MLF1: variants seen among roughly 807,000 people sequenced by gnomAD.
The protein encoded by MLF1 is myeloid leukemia factor 1.
In MLF1, 37 loss-of-function variants were observed where a neutral mutation model predicts 38.3. That is an observed-to-expected ratio of 0.96 (90% confidence interval 0.74 to 1.27). The LOEUF is 1.27. Among genes scored for constraint, MLF1 ranks in the 50% most tolerant of loss-of-function variants. MLF1 has a pLI of 0.00. For synonymous variants in MLF1, 95 were observed against 106.5 expected, an observed-to-expected ratio of 0.89 and a Z score of 0.66; for missense variants, 331 against 349.2, an observed-to-expected ratio of 0.95 and a Z score of 0.42.
chr3:158,577,613 G>T (rs1011103930), intron 1 of MLF1, among the ~76,000 whole-genome samples: 1 of 152,088 alleles, frequency 6.6e-6, no homozygotes, highest in Admixed American at 6.6e-5. Flanking sequence ...CAAATTATAA[G>T]ATCATATTTG....
At chr3:158,588,150 G>A (rs900225079) in intron 1 of MLF1, among the ~76,000 whole-genome samples, 4 of 152,274 alleles carry the variant, frequency 2.6e-5, no homozygotes, top group Non-Finnish European at 4.4e-5. Flanking sequence ...GCAGATTTTT[G>A]AGACTAGCCA....
intron 1 of MLF1, among the ~76,000 whole-genome samples, chr3:158,586,230 C>T (rs1717239513): frequency 6.7e-6 from 1 of 149,420 alleles, no homozygotes; most frequent in South Asian, 2.1e-4. Flanking sequence ...TTTTAATCTA[C>T]ACTTGGACCC....
At chr3:158,589,552 G>C (rs1401518288) in intron 1 of MLF1, among the ~76,000 whole-genome samples, 1 of 152,082 alleles carries the variant, frequency 6.6e-6, no homozygotes, top group Non-Finnish European at 1.5e-5. Flanking sequence ...CAAGCACAGA[G>C]GTTGGTAATA....
intron 1 of MLF1, among the ~76,000 whole-genome samples, chr3:158,575,149 T>C (rs1715239670): frequency 6.6e-6 from 1 of 152,214 alleles, no homozygotes; most frequent in Non-Finnish European, 1.5e-5. Context: ...GACCATCAGT[T>C]ACTCTTTCAG....
At chr3:158,571,868 GAGGGGAAGGGTTGAGGGCGTGAGGT>G in intron 1 of MLF1, among the ~76,000 whole-genome samples, 1 of 19,108 alleles carries the variant, frequency 5.2e-5, no homozygotes, top group African/African-American at 4.2e-4. Flanking sequence ...GGCGTGAGGT[GAGGGGAAGGGTTGAGGGCGTGAGGT>G]GGGGGAAGGG....
chr3:158,578,503 CAA>C (rs1715821154), intron 1 of MLF1, among the ~76,000 whole-genome samples: 1 of 148,986 alleles, frequency 6.7e-6, no homozygotes, highest in African/African-American at 2.6e-5. Context: ...TACATACATA[CAA>C]ACACACACAC....
intron 7 of MLF1, among the ~76,000 whole-genome samples, chr3:158,604,656 T>C (rs1172013830): frequency 6.6e-6 from 1 of 152,144 alleles, no homozygotes; most frequent in Non-Finnish European, 1.5e-5. Flanking sequence ...TTTTGTTTTT[T>C]ATTTTTTGTT....
At chr3:158,589,630 T>A (rs1353730590) in intron 1 of MLF1, among the ~76,000 whole-genome samples, 1 of 152,246 alleles carries the variant, frequency 6.6e-6, no homozygotes, top group African/African-American at 2.4e-5. Flanking sequence ...GAGACTTTTG[T>A]ATATTTTAAA....
At chr3:158,577,002 T>C (rs1715561236) in intron 1 of MLF1, among the ~76,000 whole-genome samples, 1 of 152,188 alleles carries the variant, frequency 6.6e-6, no homozygotes, top group Admixed American at 6.5e-5. Flanking sequence ...ATTATTGTTG[T>C]CTCTTCTTTA....
At position 158,585,037 on chromosome 3, in the gene MLF1, G is replaced by GA. The variant is rs59014137; in HGVS notation, c.48-7379dup. 3.4e-3 allele frequency among the ~76,000 whole-genome samples: 306 copies of GA among 88,738 alleles called. 1 individual carries two copies. The highest frequency in any genetic ancestry group is 0.024 in the South Asian group (59 of 2,430). The allele number at this position is 88,738 out of a possible 152,430, so 58.2% of individuals were successfully genotyped here. ...TGGGAGACAGAGCAAGACTCTGTCT[G>GA]AAAAAAAAAAAAAAAAAAGAAAAAG... is the stretch of plus-strand genomic sequence containing the variant. On this transcript the variant is annotated intron_variant, in intron 1 of 7. Coordinates refer to ENST00000466246, the MANE Select transcript of MLF1 (RefSeq NM_001369783.1).
chr3:158,573,823 G>T (rs1714953309), intron 1 of MLF1, among the ~76,000 whole-genome samples: 1 of 152,116 alleles, frequency 6.6e-6, no homozygotes, highest in Admixed American at 6.5e-5. Flanking sequence ...TTGTTTGTTT[G>T]AGACAGGGTC....
At position 158,571,485 on chromosome 3, in the gene MLF1, G is replaced by C. The variant is rs1714272579; in HGVS notation, c.47+138G>C. 4.0e-6 allele frequency: 4 copies of C among 992,976 alleles called. No homozygotes were observed. In the East Asian group the frequency reaches 1.0e-4, roughly 26 times the overall value. 61.5% of individuals were successfully genotyped at this position (992,976 alleles called of 1,614,324 possible). A position where few individuals can be genotyped will look rare whatever the true frequency, so the allele number is the denominator to read the frequency against. On this transcript the variant is annotated intron_variant, in intron 1 of 7. Transcript: ENST00000466246. Reference sequence around the variant, plus strand: ...CTGGAGGCGGTTTGAAGGAGACGAGGATTTGGAGGCCTGGGAGGGAAGAGA... The same window carrying C: ...CTGGAGGCGGTTTGAAGGAGACGAGCATTTGGAGGCCTGGGAGGGAAGAGA...
chr3:158,600,191 A>G lies in MLF1; in HGVS notation c.613+18A>G, dbSNP rs1458857939. On this transcript the variant is annotated intron_variant, in intron 6 of 7. Transcript: ENST00000466246. The stretch of plus-strand genomic sequence containing the variant: ...GAATGAAAGTAAGTTATCACAAAAA[A>G]ATAATATTCTTTCTTATAAATTTAA... 6.6e-6 allele frequency: 9 copies of G among 1,373,302 alleles called. No individual in the cohort carries two copies. The highest frequency in any genetic ancestry group is 7.6e-6 in the Non-Finnish European group (8 of 1,047,140). 85.1% of individuals were successfully genotyped at this position (1,373,302 alleles called of 1,614,324 possible).
intron 1 of MLF1, among the ~76,000 whole-genome samples, chr3:158,581,468 A>G (rs1716345911): frequency 2.0e-5 from 3 of 152,198 alleles, no homozygotes; most frequent in African/African-American, 7.2e-5. Flanking sequence ...TCCTCCAGCC[A>G]TGTTATCACA....
chr3:158,605,064 AATG>A (rs1395875735), intron 7 of MLF1, 30 bp from the exon 8 acceptor site: 14 of 1,475,108 alleles, frequency 9.5e-6, no homozygotes, highest in Admixed American at 5.5e-5. Context: ...CCATTTTTTA[AATG>A]ATATTAATAT....
chr3:158,598,995 T>C (rs1719325073), intron 5 of MLF1, among the ~76,000 whole-genome samples: 1 of 152,186 alleles, frequency 6.6e-6, no homozygotes, highest in African/African-American at 2.4e-5. Flanking sequence ...TTGATACATG[T>C]GGCCCTGGTT....
At chr3:158,589,941 C>T (rs952712765) in intron 1 of MLF1, among the ~76,000 whole-genome samples, 9 of 152,216 alleles carry the variant, frequency 5.9e-5, no homozygotes, top group African/African-American at 1.4e-4. Context: ...ATCTCCTTCT[C>T]ATAAGGACCC....
At chr3:158,585,281 A>G (rs1175234204) in intron 1 of MLF1, among the ~76,000 whole-genome samples, 1 of 151,948 alleles carries the variant, frequency 6.6e-6, no homozygotes, top group Non-Finnish European at 1.5e-5. Context: ...GCTGGTTGTT[A>G]AAAAGAGCCT....
rs1254527653 is a variant in MLF1 at position 158,598,144 on chromosome 3, A to G, written c.389A>G (p.Lys130Arg). The change falls in exon 5 of 8, where the codon AAA (lysine) becomes AGA (arginine). Residue 130 changes from lysine to arginine, a missense_variant. Coordinates refer to ENST00000466246, the MANE Select transcript of MLF1 (RefSeq NM_001369783.1). ...FCSSSVMTYS[K>R]IGDEPPKVFQ... Reference sequence around the variant, plus strand: ...TCTTCCTCAGTTATGACTTATTCCAAAATAGGAGATGAACCGCCAAAGGTT... The same window carrying G: ...TCTTCCTCAGTTATGACTTATTCCAGAATAGGAGATGAACCGCCAAAGGTT... 16 of 1,613,844 alleles carry G rather than the reference A, an allele frequency of 9.9e-6. No homozygotes were observed. Among genetic ancestry groups the G allele is most frequent in the Non-Finnish European group, 1.4e-5 (16 of 1,179,904 alleles).
Sources: allele counts gnomAD v4.1 joint callset (sites outside exome capture counted in the v4.1 genomes callset), GRCh38; gene constraint gnomAD v4.1.1; transcripts MANE v1.5; gene names NCBI Gene and HGNC (gene_info 2026-07-23, HGNC 2026-07-21).